Variants in MCC observed in about 807,000 individuals in gnomAD.
MCC encodes the protein colorectal mutant cancer protein.
Under a neutral mutation model 116.2 loss-of-function variants are expected in MCC, and 90 were observed. The ratio of observed to expected loss-of-function variants is 0.77; its 90% CI spans 0.65 to 0.92. MCC has a LOEUF of 0.92. MCC is among the 40% of genes least tolerant of loss of function. MCC has a pLI of 0.00. For missense variants in MCC, 1,516 were observed against 1,312.2 expected, an observed-to-expected ratio of 1.16 and a Z score of -2.40; for synonymous variants, 578 against 510.5, an observed-to-expected ratio of 1.13 and a Z score of -1.78.
At position 113,348,921 on chromosome 5, in the gene MCC, A is replaced by G. The variant is rs1046091779; in HGVS notation, c.416-8191T>C. The stretch of plus-strand genomic sequence containing the variant: ...TTCAAAGGGTCATTAGGTGGCTACT[A>G]TGAGCAACTATGCCAATAACTTGGA... On this transcript the variant is annotated intron_variant, in intron 2 of 18. Transcript: ENST00000408903. Among the ~76,000 whole-genome samples, 32 of 152,062 alleles carry G rather than the reference A, an allele frequency of 2.1e-4. 1 individual carries two copies. The highest frequency in any genetic ancestry group is 1.8e-3 in the Admixed American group (28 of 15,262).
At chr5:113,192,177 TA>T (rs547350151) in intron 3 of MCC, among the ~76,000 whole-genome samples, 37 of 152,312 alleles carry the variant, frequency 2.4e-4, no homozygotes, top group African/African-American at 8.7e-4. Flanking sequence ...CACCAGGCTC[TA>T]AGGAAGCACC....
chr5:113,095,996 C>A (rs943379968), intron 8 of MCC, among the ~76,000 whole-genome samples: 1 of 152,158 alleles, frequency 6.6e-6, no homozygotes, highest in African/African-American at 2.4e-5. Context: ...TGCCTCCATG[C>A]CTTGGGAGCC....
intron 2 of MCC, among the ~76,000 whole-genome samples, chr5:113,367,787 C>T (rs1768738851): frequency 6.6e-6 from 1 of 152,038 alleles, no homozygotes. Context: ...GCATATAGGT[C>T]AGCATTATCT....
Position 113,416,519 on chromosome 5 carries a change from T to C in MCC, c.171-31307A>G, listed in dbSNP as rs111469957. ...GAAAAGTTTCTAATAATAATTGTTATGTAAAAATGCAAGGTACAGAGTGTT... is the reference window on the plus strand; with the variant it reads ...GAAAAGTTTCTAATAATAATTGTTACGTAAAAATGCAAGGTACAGAGTGTT... On this transcript the variant is annotated intron_variant, in intron 1 of 18. Coordinates refer to ENST00000408903, the MANE Select transcript of MCC (RefSeq NM_001085377.2). Among the ~76,000 whole-genome samples the C allele has an allele frequency of 2.1e-3, 314 of 152,332 alleles. 6 individuals carry two copies. Among genetic ancestry groups the C allele is most frequent in the African/African-American group, 6.8e-3 (284 of 41,574 alleles).
chr5:113,132,593 A>G (rs887672271), intron 5 of MCC, among the ~76,000 whole-genome samples: 1 of 151,960 alleles, frequency 6.6e-6, no homozygotes, highest in Admixed American at 6.6e-5. Flanking sequence ...TCCATATTTT[A>G]TTTGTTTGGC....
chr5:113,105,757 C>T (rs1275966460), intron 6 of MCC, among the ~76,000 whole-genome samples: 1 of 152,244 alleles, frequency 6.6e-6, no homozygotes, highest in Non-Finnish European at 1.5e-5. Context: ...TGCCTCTACT[C>T]TCCACGCGGT....
At chr5:113,286,880 C>G (rs1766282811) in intron 3 of MCC, among the ~76,000 whole-genome samples, 1 of 152,188 alleles carries the variant, frequency 6.6e-6, no homozygotes, top group South Asian at 2.1e-4. Flanking sequence ...TCTTTCCTCT[C>G]TGTACCAATT....
At chr5:113,100,464 C>CTTTTTTTTTTTTTTTT (rs10649958) in intron 8 of MCC, among the ~76,000 whole-genome samples, 1 of 78,810 alleles carries the variant, frequency 1.3e-5, no homozygotes, top group Admixed American at 2.0e-4. Flanking sequence ...GTATTTTTCC[C>CTTTTTTTTTTTTTTTT]TTTTTTTTTT....
At chr5:113,433,370 T>C (rs531086663) in intron 1 of MCC, 4 of 466,858 alleles carry the variant, frequency 8.6e-6, no homozygotes, top group East Asian at 6.0e-5. Context: ...GAAAGGAGGA[T>C]AAATGGTGCC....
intron 1 of MCC, among the ~76,000 whole-genome samples, chr5:113,396,512 C>T (rs1376679344): frequency 6.6e-6 from 1 of 151,936 alleles, no homozygotes; most frequent in South Asian, 2.1e-4. Flanking sequence ...TGGCACACAC[C>T]TGCAACCCCA....
intron 3 of MCC, among the ~76,000 whole-genome samples, chr5:113,324,018 G>C (rs1044128370): frequency 6.6e-6 from 1 of 152,206 alleles, no homozygotes; most frequent in South Asian, 2.1e-4. Context: ...AAAGTATTAG[G>C]AGTTACATAA....
intron 3 of MCC, chr5:113,294,219 G>A: frequency 7.4e-7 from 1 of 1,350,038 alleles, no homozygotes; most frequent in Non-Finnish European, 1.0e-6. Context: ...CCTCCAGACT[G>A]GGAGCACAGG....
intron 11 of MCC, among the ~76,000 whole-genome samples, chr5:113,082,122 A>G (rs1175422946): frequency 6.6e-6 from 1 of 152,250 alleles, no homozygotes; most frequent in Non-Finnish European, 1.5e-5. Flanking sequence ...CATCACTGGC[A>G]TGACACATAA....
At chr5:113,072,293 T>A (rs1184533876) in intron 11 of MCC, among the ~76,000 whole-genome samples, 1 of 152,214 alleles carries the variant, frequency 6.6e-6, no homozygotes, top group African/African-American at 2.4e-5. Flanking sequence ...AGACATCTGG[T>A]GAGTGTAGAA....
chr5:113,381,200 C>A (rs769221651), intron 2 of MCC, among the ~76,000 whole-genome samples: 1 of 152,070 alleles, frequency 6.6e-6, no homozygotes, highest in Admixed American at 6.5e-5. Flanking sequence ...TACTTTTGCA[C>A]GCGAGACAGT....
At chr5:113,385,335 T>G in intron 1 of MCC, 123 bp from the exon 2 acceptor site, 1 of 998,656 alleles carries the variant, frequency 1.0e-6, no homozygotes, top group Admixed American at 2.5e-5. Flanking sequence ...TTTTCAACTT[T>G]CTCATTGTTT....
chr5:113,077,854 C>T (rs1362985609), intron 11 of MCC, among the ~76,000 whole-genome samples: 1 of 152,052 alleles, frequency 6.6e-6, no homozygotes, highest in Non-Finnish European at 1.5e-5. Context: ...TTCAAAAAAT[C>T]AATGAATCCA....
chr5:113,136,474 C>T (rs755837756), intron 5 of MCC, among the ~76,000 whole-genome samples: 5 of 152,050 alleles, frequency 3.3e-5, no homozygotes, highest in Non-Finnish European at 5.9e-5. Flanking sequence ...GTAATCGTAG[C>T]TCTCCTGGTT....
At chr5:113,132,407 CAT>C (rs1267813272) in intron 5 of MCC, among the ~76,000 whole-genome samples, 10,046 of 60,628 alleles carry the variant, frequency 0.17, 620 homozygotes, top group East Asian at 0.31. Context: ...TACATACATA[CAT>C]ATATATATAC....
Sources: allele counts gnomAD v4.1 joint callset (sites outside exome capture counted in the v4.1 genomes callset), GRCh38; gene constraint gnomAD v4.1.1; transcripts MANE v1.5; gene names NCBI Gene and HGNC (gene_info 2026-07-23, HGNC 2026-07-21).